The following SLC30A4 variants were observed in gnomAD, a reference collection of about 807,000 sequenced individuals.
SLC30A4 encodes solute carrier family 30 member 4, also known as probable proton-coupled zinc antiporter SLC30A4.
A neutral mutation model predicts 41.7 loss-of-function variants in SLC30A4; 20 were observed. The observed-to-expected ratio is 0.48, with a 90% CI of 0.34 to 0.70. SLC30A4 has a LOEUF of 0.70. SLC30A4 is among the 30% of genes least tolerant of loss of function. The pLI is 0.01. For missense variants in SLC30A4, 441 were observed against 529.3 expected, an observed-to-expected ratio of 0.83 and a Z score of 1.64; for synonymous variants, 181 against 195.9, an observed-to-expected ratio of 0.92 and a Z score of 0.64.
Position 45,482,671 on chromosome 15 carries a change from A to G in SLC30A4, c.*2492T>C, listed in dbSNP as rs1681206990. On this transcript the variant is annotated 3_prime_UTR_variant, in exon 8 of 8. Coordinates refer to ENST00000261867, the MANE Select transcript of SLC30A4 (RefSeq NM_013309.6). ...ACTGAAATATCTCTCATTTATTCTTACTTGGTTTCTATATGTAAGAATATT... is the reference window on the plus strand; with the variant it reads ...ACTGAAATATCTCTCATTTATTCTTGCTTGGTTTCTATATGTAAGAATATT... The G allele has an allele frequency of 2.0e-5, 3 of 152,158 alleles. No individual in the cohort carries two copies. Among genetic ancestry groups the G allele is most frequent in the South Asian group, 4.1e-4 (2 of 4,830 alleles). The allele number at this position is 152,158 out of a possible 1,614,324, so 9.4% of individuals were successfully genotyped here. A position where few individuals can be genotyped will look rare whatever the true frequency, so the allele number is the denominator to read the frequency against.
chr15:45,512,746 T>C (rs1892336575), intron 2 of SLC30A4, among the ~76,000 whole-genome samples: 2 of 152,192 alleles, frequency 1.3e-5, no homozygotes, highest in African/African-American at 2.4e-5. Context: ...TTCTGTCCAA[T>C]AGAACTTTGA....
In SLC30A4 at chr15:45,483,763, G is replaced by C. The variant is rs965197199; in HGVS notation, c.*1400C>G. 1 of 152,334 alleles carries C rather than the reference G, an allele frequency of 6.6e-6. No homozygotes were observed. Among genetic ancestry groups the C allele is most frequent in the Non-Finnish European group, 1.5e-5 (1 of 68,190 alleles). 9.4% of individuals were successfully genotyped at this position (152,334 alleles called of 1,614,324 possible). On this transcript the variant is annotated 3_prime_UTR_variant, in exon 8 of 8. Coordinates refer to ENST00000261867, the MANE Select transcript of SLC30A4 (RefSeq NM_013309.6). The stretch of plus-strand genomic sequence containing the variant: ...GTGTACCTGTAGTCCCAGCTAGTTG[G>C]GAGGCTGAGGCAGAAGAATCACTTG...
At chr15:45,504,184 G>T (rs748550661) in intron 3 of SLC30A4, among the ~76,000 whole-genome samples, 1 of 152,130 alleles carries the variant, frequency 6.6e-6, no homozygotes, top group Non-Finnish European at 1.5e-5. Flanking sequence ...CTAATGGGAA[G>T]AGGAGAAAAC....
At position 45,522,337 on chromosome 15, in the gene SLC30A4, C is replaced by A; in HGVS notation, c.18G>T (p.Ala6=). 1 of 1,610,342 alleles carries A rather than the reference C, an allele frequency of 6.2e-7. No homozygotes were observed. The highest frequency in any genetic ancestry group is 8.5e-7 in the Non-Finnish European group (1 of 1,178,536). ...TTAGCATAGATTTGAGGCGCTTCCACGCGCCAGAGCCGGCCATGGCAGAGG... is the reference window on the plus strand; with the variant it reads ...TTAGCATAGATTTGAGGCGCTTCCAAGCGCCAGAGCCGGCCATGGCAGAGG... The part of the protein sequence containing the change: MAGSG[A]WKRLKSMLRK... The change falls in exon 2 of 8, where the codon GCG becomes GCT. Residue 6 remains alanine, a synonymous_variant. Transcript: ENST00000261867.
chr15:45,518,100 C>G (rs1053750258), intron 2 of SLC30A4, among the ~76,000 whole-genome samples: 1 of 152,254 alleles, frequency 6.6e-6, no homozygotes, highest in Non-Finnish European at 1.5e-5. Context: ...TGAAGCCAAA[C>G]TGGCCTTCTT....
chr15:45,488,036 T>C (rs1477846457), intron 5 of SLC30A4, among the ~76,000 whole-genome samples: 1 of 150,112 alleles, frequency 6.7e-6, no homozygotes, highest in Non-Finnish European at 1.5e-5. Flanking sequence ...TGGGCTCAAC[T>C]GATCCTCCAG....
At chr15:45,493,374 A>G (rs1339877483) in intron 3 of SLC30A4, among the ~76,000 whole-genome samples, 1 of 152,250 alleles carries the variant, frequency 6.6e-6, no homozygotes, top group African/African-American at 2.4e-5. Flanking sequence ...TAATAGGTAA[A>G]ATAATCTGGA....
rs530351528 is a variant in SLC30A4, at chr15:45,483,456, A to G, written c.*1707T>C. 20 of 152,394 alleles carry G rather than the reference A, an allele frequency of 1.3e-4. No individual in the cohort carries two copies. The highest frequency in any genetic ancestry group is 2.2e-4 in the Non-Finnish European group (15 of 68,040). The allele number at this position is 152,394 out of a possible 1,614,324, so 9.4% of individuals were successfully genotyped here. On this transcript the variant is annotated 3_prime_UTR_variant, in exon 8 of 8. Transcript: ENST00000261867. ...AAAACCAATGGTTGCAAAATGAAAC[A>G]TGAACAGTCAAGCTGCCTCTTTAAC...
intron 3 of SLC30A4, 114 bp downstream of exon 3, chr15:45,511,023 TC>T (rs1819905145): frequency 2.5e-6 from 2 of 805,352 alleles, no homozygotes. Flanking sequence ...TTATCTATTT[TC>T]ATTTGCTTTG....
intron 3 of SLC30A4, among the ~76,000 whole-genome samples, chr15:45,492,003 G>C (rs1004117465): frequency 6.6e-6 from 1 of 152,022 alleles, no homozygotes; most frequent in Non-Finnish European, 1.5e-5. Flanking sequence ...TCAAAAGTTT[G>C]ATAATAGCCA....
Position 45,485,283 on chromosome 15 carries a change from C to T in SLC30A4, c.1170G>A (p.Gln390=), listed in dbSNP as rs750472184. 8.1e-6 allele frequency: 13 copies of T among 1,611,116 alleles called. No individual in the cohort carries two copies. In the Admixed American group the frequency reaches 2.2e-4, roughly 27 times the overall value. ...TCAATAATAAATGGTTTGCTTTGGA[C>T]TGTACTTCCTCCCATTTAGATGAAC... The part of the protein sequence containing the change: ...PGSSSKWEEV[Q]SKANHLLLNT... The change falls in exon 8 of 8, where the codon CAG becomes CAA. Residue 390 remains glutamine (Q), a synonymous_variant. Coordinates refer to ENST00000261867, the MANE Select transcript of SLC30A4 (RefSeq NM_013309.6).
chr15:45,486,958 A>T (rs1203518482), intron 6 of SLC30A4, among the ~76,000 whole-genome samples: 1 of 152,092 alleles, frequency 6.6e-6, no homozygotes, highest in Non-Finnish European at 1.5e-5. Context: ...ATACTTTAAA[A>T]ACATATTCAT....
chr15:45,522,512 T>G, intron 1 of SLC30A4, 44 bp from the exon 2 acceptor site: 64 of 633,560 alleles, frequency 1.0e-4, no homozygotes, highest in Middle Eastern at 4.6e-4. Flanking sequence ...CGCCCAACCC[T>G]GTCCTCAAGT....
At position 45,486,137 on chromosome 15, in the gene SLC30A4, C is replaced by T. The variant is rs541373279; in HGVS notation, c.1135+474G>A. Reference sequence around the variant, plus strand: ...TCATGAGTTCAGGCAATTCTCCTGCCTCAGCCTCCCAAGTAGCTGGGATTA... The same window carrying T: ...TCATGAGTTCAGGCAATTCTCCTGCTTCAGCCTCCCAAGTAGCTGGGATTA... On this transcript the variant is annotated intron_variant, in intron 7 of 7. Transcript: ENST00000261867. Among the ~76,000 whole-genome samples the T allele has an allele frequency of 1.1e-3, 172 of 152,060 alleles. 1 individual carries two copies. Among genetic ancestry groups the T allele is most frequent in the African/African-American group, 3.8e-3 (158 of 41,476 alleles).
chr15:45,511,380 C>T (rs1892287562), intron 2 of SLC30A4, 96 bp from the exon 3 acceptor site: 4 of 761,272 alleles, frequency 5.3e-6, no homozygotes, highest in Non-Finnish European at 8.1e-6. Flanking sequence ...AAAACATGAA[C>T]TTCTAACTAA....
intron 3 of SLC30A4, among the ~76,000 whole-genome samples, chr15:45,508,535 T>C (rs1203712597): frequency 1.3e-5 from 2 of 152,232 alleles, no homozygotes; most frequent in African/African-American, 2.4e-5. Context: ...GTTCTACACA[T>C]TGCTTCTTGG....
chr15:45,517,865 A>G (rs1486555143), intron 2 of SLC30A4, among the ~76,000 whole-genome samples: 2 of 152,024 alleles, frequency 1.3e-5, no homozygotes, highest in African/African-American at 4.8e-5. Flanking sequence ...GGAGAATGGC[A>G]CGAACCCGGG....
chr15:45,489,871 C>T (rs917877421), intron 4 of SLC30A4, among the ~76,000 whole-genome samples: 4 of 151,956 alleles, frequency 2.6e-5, no homozygotes, highest in African/African-American at 9.7e-5. Context: ...ATTTGGCTCA[C>T]TGATTTTTTT....
chr15:45,486,439 C>T (rs1891707773), intron 7 of SLC30A4, among the ~76,000 whole-genome samples, 172 bp downstream of exon 7: 1 of 152,148 alleles, frequency 6.6e-6, no homozygotes, highest in African/African-American at 2.4e-5. Context: ...TTTAAAGAGC[C>T]TTTTGTTTAA....
Sources: gnomAD v4.1 joint callset for allele counts (sites outside exome capture counted in the v4.1 genomes callset) on GRCh38, gnomAD v4.1.1 for gene constraint, MANE v1.5 for transcripts, NCBI Gene and HGNC (gene_info 2026-07-23, HGNC 2026-07-21) for gene names.